Variants in HDAC9 observed in about 807,000 individuals in gnomAD.
HDAC9 encodes MEF-2 interacting transcription repressor (MITR) protein.
Under a neutral mutation model 139.4 loss-of-function variants are expected in HDAC9, and 41 were observed. That is an observed-to-expected ratio of 0.29 (90% CI 0.23 to 0.38). The LOEUF (loss-of-function observed/expected upper bound fraction) is 0.38, where lower values mean the gene tolerates loss of function less well. HDAC9 is among the 10% of genes least tolerant of loss of function. HDAC9 has a pLI of 1.00. For missense variants in HDAC9, 1,147 were observed against 1,297.0 expected, an observed-to-expected ratio of 0.88 and a Z score of 1.78; for synonymous variants, 517 against 476.2, an observed-to-expected ratio of 1.09 and a Z score of -1.12.
In HDAC9 at chr7:18,208,322, T is replaced by C. The variant is rs553309970; in HGVS notation, c.25+45973T>C. On this transcript the variant is annotated intron_variant, in intron 2 of 12. Coordinates refer to the HDAC9 transcript ENST00000417496. ...GACTCCCCTAATCTGAAGCCAATTTTAATTTATGGGATGGACCTAGTCATT... is the reference window on the plus strand; with the variant it reads ...GACTCCCCTAATCTGAAGCCAATTTCAATTTATGGGATGGACCTAGTCATT... 2.0e-5 allele frequency among the ~76,000 whole-genome samples: 3 copies of C among 151,806 alleles called. No individual in the cohort carries two copies. The East Asian group carries it at 5.8e-4, about 29-fold the overall frequency.
chr7:18,994,558 A>T (rs1585521130), intron 25 of HDAC9, among the ~76,000 whole-genome samples: 1 of 152,122 alleles, frequency 6.6e-6, no homozygotes, highest in African/African-American at 2.4e-5. Context: ...ACTCTTTTAG[A>T]ATTTTCTTTT....
intron 23 of HDAC9, among the ~76,000 whole-genome samples, chr7:18,942,416 A>G (rs980471547): frequency 6.6e-6 from 1 of 152,014 alleles, no homozygotes; most frequent in African/African-American, 2.4e-5. Flanking sequence ...GAATAAAAGT[A>G]TATACTGGGG....
intron 1 of HDAC9, among the ~76,000 whole-genome samples, chr7:18,405,536 T>C (rs1313790264): frequency 6.6e-6 from 1 of 152,168 alleles, no homozygotes; most frequent in Non-Finnish European, 1.5e-5. Context: ...CTCCTGGTAT[T>C]GAGCAACTTT....
intron 1 of HDAC9, among the ~76,000 whole-genome samples, chr7:18,398,129 A>G (rs571534494): frequency 6.6e-6 from 1 of 152,348 alleles, no homozygotes; most frequent in Non-Finnish European, 1.5e-5. Flanking sequence ...CCCGAATCCT[A>G]GAAGTCATCC....
At chr7:18,595,617 G>A (rs1277861015) in intron 6 of HDAC9, among the ~76,000 whole-genome samples, 1 of 151,982 alleles carries the variant, frequency 6.6e-6, no homozygotes, top group Non-Finnish European at 1.5e-5. Context: ...GAAAAATATG[G>A]ATTCCCCTTA....
chr7:18,867,393 T>C (rs1257727128), intron 21 of HDAC9, among the ~76,000 whole-genome samples: 3 of 152,220 alleles, frequency 2.0e-5, no homozygotes, highest in Non-Finnish European at 4.4e-5. Context: ...AAGTACATTG[T>C]CAAGTAAGTT....
intron 16 of HDAC9, among the ~76,000 whole-genome samples, chr7:18,775,847 G>C (rs966853042): frequency 6.6e-6 from 1 of 152,004 alleles, no homozygotes; most frequent in Admixed American, 6.6e-5. Flanking sequence ...ATACTCAGTT[G>C]AACCAGATTC....
chr7:18,566,269 G>T (rs2128725048), intron 2 of HDAC9, among the ~76,000 whole-genome samples: 1 of 152,256 alleles, frequency 6.6e-6, no homozygotes, highest in Middle Eastern at 3.4e-3. Context: ...TATATATCAG[G>T]CAAAGCCTGT....
chr7:18,682,685 T>C (rs1273602273), intron 12 of HDAC9, among the ~76,000 whole-genome samples: 1 of 152,016 alleles, frequency 6.6e-6, no homozygotes, highest in African/African-American at 2.4e-5. Flanking sequence ...AAGGTTGAAA[T>C]CAAATTAATC....
At chr7:18,404,682 CGTT>C (rs528268268) in intron 1 of HDAC9, among the ~76,000 whole-genome samples, 26 of 152,174 alleles carry the variant, frequency 1.7e-4, no homozygotes, top group Admixed American at 1.4e-3. Context: ...TTAAGAGAAA[CGTT>C]GTATAACAAA....
chr7:18,561,067 A>G (rs1004312677), intron 2 of HDAC9, among the ~76,000 whole-genome samples: 5 of 152,200 alleles, frequency 3.3e-5, no homozygotes, highest in Non-Finnish European at 5.9e-5. Context: ...AAGAAACAAC[A>G]ACAAAAAAAT....
At chr7:18,176,918 C>G (rs985159968) in intron 2 of HDAC9, among the ~76,000 whole-genome samples, 1 of 151,984 alleles carries the variant, frequency 6.6e-6, no homozygotes, top group African/African-American at 2.4e-5. Context: ...ATGAAAGAAC[C>G]TAGAAATTAG....
chr7:18,717,785 A>AT (rs1784817432), intron 12 of HDAC9, among the ~76,000 whole-genome samples: 1 of 152,158 alleles, frequency 6.6e-6, no homozygotes, highest in Non-Finnish European at 1.5e-5. Flanking sequence ...CAAATATAAA[A>AT]ATATATATAC....
At chr7:18,529,184 GAA>G (rs981444327) in intron 2 of HDAC9, among the ~76,000 whole-genome samples, 35 of 149,364 alleles carry the variant, frequency 2.3e-4, no homozygotes, top group African/African-American at 7.4e-4. Flanking sequence ...AACCAGAGAA[GAA>G]AAAAAAAATC....
intron 13 of HDAC9, among the ~76,000 whole-genome samples, chr7:18,730,826 A>G (rs1277690721): frequency 6.6e-6 from 1 of 152,174 alleles, no homozygotes; most frequent in Non-Finnish European, 1.5e-5. Flanking sequence ...TTAAGTCAAG[A>G]ACTTAAACCT....
intron 17 of HDAC9, among the ~76,000 whole-genome samples, chr7:18,814,691 C>A (rs559351577): frequency 8.3e-4 from 127 of 152,150 alleles, no homozygotes; most frequent in Non-Finnish European, 1.3e-3. Context: ...AATTTAATTT[C>A]TGTGGTCAAA....
intron 1 of HDAC9, among the ~76,000 whole-genome samples, chr7:18,371,021 G>A (rs1316664297): frequency 6.6e-6 from 1 of 152,030 alleles, no homozygotes; most frequent in African/African-American, 2.4e-5. Flanking sequence ...TCCAGAACTC[G>A]CGCATCATGT....
intron 22 of HDAC9, among the ~76,000 whole-genome samples, chr7:18,929,591 A>T (rs905488229): frequency 1.3e-5 from 2 of 152,208 alleles, no homozygotes; most frequent in Admixed American, 6.5e-5. Context: ...TTAATGCCTC[A>T]TTCTAAAATA....
chr7:18,506,395 G>A (rs2128171850), intron 2 of HDAC9, among the ~76,000 whole-genome samples: 1 of 152,278 alleles, frequency 6.6e-6, no homozygotes, highest in African/African-American at 2.4e-5. Flanking sequence ...TCCATTTGGT[G>A]TTAATATTGC....
Sources: gnomAD v4.1 joint callset for allele counts (sites outside exome capture counted in the v4.1 genomes callset) on GRCh38, gnomAD v4.1.1 for gene constraint, MANE v1.5 for transcripts, NCBI Gene and HGNC (gene_info 2026-07-23, HGNC 2026-07-21) for gene names.